NXPE3: variants seen among roughly 807,000 people sequenced by gnomAD.
NXPE3 encodes the protein neurexophilin and PC-esterase domain family member 3, also known as NXPE family member 3.
NXPE3 carries 26 observed loss-of-function variants against 46.1 expected under a neutral mutation model. The observed-to-expected ratio is 0.56, with a 90% CI of 0.41 to 0.78. The LOEUF (loss-of-function observed/expected upper bound fraction) is 0.78. NXPE3 is among the 30% of genes least tolerant of loss of function. The pLI, the probability that NXPE3 is intolerant of heterozygous loss-of-function variation, is 0.00. For synonymous variants in NXPE3, 272 were observed against 257.9 expected (o/e 1.05, Z -0.52); for missense variants, 620 against 686.0 (o/e 0.90, Z 1.07).
intron 7 of NXPE3, among the ~76,000 whole-genome samples, chr3:101,818,964 C>T (rs1004143971): frequency 2.0e-5 from 3 of 151,344 alleles, no homozygotes; most frequent in Non-Finnish European, 4.4e-5. Context: ...CGGGTTTCAC[C>T]GTGTTGGCCA....
At chr3:101,784,155 A>G (rs1940005245) in intron 3 of NXPE3, among the ~76,000 whole-genome samples, 1 of 152,246 alleles carries the variant, frequency 6.6e-6, no homozygotes, top group South Asian at 2.1e-4. Flanking sequence ...AGAACTAAGT[A>G]CCTTGAGCAA....
chr3:101,804,430 T>A (rs1218448416), intron 5 of NXPE3, among the ~76,000 whole-genome samples: 1 of 152,254 alleles, frequency 6.6e-6, no homozygotes, highest in Non-Finnish European at 1.5e-5. Context: ...TTTATTTACC[T>A]GGAAGTTTGC....
chr3:101,795,976 C>T (rs966433481), intron 4 of NXPE3, among the ~76,000 whole-genome samples: 21 of 152,188 alleles, frequency 1.4e-4, no homozygotes, highest in African/African-American at 4.8e-4. Flanking sequence ...TTGAAATGAT[C>T]TCAAGGTACT....
intron 4 of NXPE3, among the ~76,000 whole-genome samples, chr3:101,792,528 C>T (rs540324443): frequency 1.3e-5 from 2 of 152,234 alleles, no homozygotes; most frequent in Admixed American, 1.3e-4. Context: ...GAGTCTTTTC[C>T]TCATTGCTTG....
intron 3 of NXPE3, among the ~76,000 whole-genome samples, chr3:101,783,147 C>T (rs1326356802): frequency 2.6e-5 from 4 of 152,122 alleles, no homozygotes; most frequent in South Asian, 2.1e-4. Flanking sequence ...CTGCAAGCTC[C>T]GCCTCCCAGG....
chr3:101,827,751 GGTACCT>G lies in NXPE3; in HGVS notation c.*5798_*5803del, dbSNP rs1409500110. On this transcript the variant is annotated 3_prime_UTR_variant, in exon 8 of 8. Coordinates refer to ENST00000273347, the MANE Select transcript of NXPE3 (RefSeq NM_145037.4). Reference sequence around the variant, plus strand: ...GAGGGGAATGTCCGGGACTCGGGTCGGTACCTTTTTGGTCTGGGAATTTCCAGTGTG... The same window carrying G: ...GAGGGGAATGTCCGGGACTCGGGTCGTTTTGGTCTGGGAATTTCCAGTGTG... 1.3e-5 allele frequency among the ~76,000 whole-genome samples: 2 copies of G among 152,056 alleles called. No individual in the cohort carries two copies. The highest frequency in any genetic ancestry group is 2.9e-5 in the Non-Finnish European group (2 of 68,000).
rs374801827 is a variant in NXPE3 at position 101,786,628 on chromosome 3, TTTC to T, written c.93+948_93+950del. ...AGGCTTAAGGCATAAAAGCTAAGTA[TTTC>T]TTCTTCTTTTTCTTTGCTTAAACTG... On this transcript the variant is annotated intron_variant, in intron 4 of 7. Coordinates refer to ENST00000273347, the MANE Select transcript of NXPE3 (RefSeq NM_145037.4). Among the ~76,000 whole-genome samples, 80 of 152,324 alleles carry T rather than the reference TTTC, an allele frequency of 5.3e-4. 1 individual carries two copies. The highest frequency in any genetic ancestry group is 1.9e-3 in the South Asian group (9 of 4,830).
rs1942325039 is a variant in NXPE3, at chr3:101,822,999, A to C, written c.*1045A>C. On this transcript the variant is annotated 3_prime_UTR_variant, in exon 8 of 8. Coordinates refer to ENST00000273347, the MANE Select transcript of NXPE3 (RefSeq NM_145037.4). Reference sequence around the variant, plus strand: ...TGATTTGGGCATAAAAGGCACACCCATTCTCTCATGCTTGGAAGAAGCTGC... The same window carrying C: ...TGATTTGGGCATAAAAGGCACACCCCTTCTCTCATGCTTGGAAGAAGCTGC... 1 of 152,202 alleles carries C rather than the reference A, an allele frequency of 6.6e-6. No individual in the cohort carries two copies. The highest frequency in any genetic ancestry group is 2.4e-5 in the African/African-American group (1 of 41,464). The allele number at this position is 152,202 out of a possible 1,614,324, so 9.4% of individuals were successfully genotyped here.
In NXPE3 at chr3:101,828,000, C is replaced by A. The variant is rs1197016288; in HGVS notation, c.*6046C>A. 1 of 152,206 alleles carries A rather than the reference C, an allele frequency of 6.6e-6. No individual in the cohort carries two copies. Among genetic ancestry groups the A allele is most frequent in the Non-Finnish European group, 1.5e-5 (1 of 68,044 alleles). The allele number at this position is 152,206 out of a possible 1,614,324, so 9.4% of individuals were successfully genotyped here. ...GTGAGAGGGGCTGGCCTCCTCTTGC[C>A]ACGAGGTCAGACGGCGAGTTCTTAG... On this transcript the variant is annotated 3_prime_UTR_variant, in exon 8 of 8. Transcript: ENST00000273347.
chr3:101,796,222 C>A (rs1940822233), intron 4 of NXPE3, among the ~76,000 whole-genome samples: 1 of 152,176 alleles, frequency 6.6e-6, no homozygotes, highest in African/African-American at 2.4e-5. Context: ...GTTCACTAGG[C>A]CAGGAGTGAA....
chr3:101,806,884 TTAC>T (rs1323762099), intron 5 of NXPE3, among the ~76,000 whole-genome samples, 166 bp from the exon 6 acceptor site: 1 of 152,250 alleles, frequency 6.6e-6, no homozygotes, highest in East Asian at 1.9e-4. Context: ...TAAAACCTGC[TTAC>T]TACAAGAGAC....
At chr3:101,815,689 C>T (rs1002139141) in intron 6 of NXPE3, among the ~76,000 whole-genome samples, 1 of 151,802 alleles carries the variant, frequency 6.6e-6, no homozygotes, top group African/African-American at 2.4e-5. Context: ...CATAGTGAAA[C>T]CCCATCTGTA....
intron 5 of NXPE3, 113 bp downstream of exon 5, chr3:101,802,102 G>A: frequency 2.0e-6 from 2 of 986,736 alleles, no homozygotes; most frequent in South Asian, 3.6e-5. Context: ...CTCTCAACTT[G>A]GCCCAATACA....
intron 4 of NXPE3, 72 bp from the exon 5 acceptor site, chr3:101,801,159 GAGCC>G: frequency 7.0e-7 from 1 of 1,433,864 alleles, no homozygotes; most frequent in Non-Finnish European, 9.5e-7. Flanking sequence ...GAAGTGTGGG[GAGCC>G]CTCTGAATTT....
intron 7 of NXPE3, among the ~76,000 whole-genome samples, chr3:101,819,277 T>C (rs1346758794): frequency 6.6e-6 from 1 of 152,166 alleles, no homozygotes. Flanking sequence ...GAGACACATC[T>C]TCTTTCCTCA....
At chr3:101,791,897 G>A (rs1576736993) in intron 4 of NXPE3, among the ~76,000 whole-genome samples, 3 of 152,128 alleles carry the variant, frequency 2.0e-5, no homozygotes, top group East Asian at 1.9e-4. Context: ...ACTAATTTAC[G>A]CTCACACCAA....
chr3:101,802,443 C>A (rs1941217254), intron 5 of NXPE3, among the ~76,000 whole-genome samples: 1 of 151,202 alleles, frequency 6.6e-6, no homozygotes, highest in Non-Finnish European at 1.5e-5. Context: ...CATAGCAAGA[C>A]CCCATCTATT....
chr3:101,826,799 C>G lies in NXPE3; in HGVS notation c.*4845C>G, dbSNP rs187537009. The G allele has an allele frequency of 6.6e-6, 1 of 152,120 alleles. No individual in the cohort carries two copies. Among genetic ancestry groups the G allele is most frequent in the East Asian group, 1.9e-4 (1 of 5,188 alleles). 9.4% of individuals were successfully genotyped at this position (152,120 alleles called of 1,614,324 possible). A position where few individuals can be genotyped will look rare whatever the true frequency, so the allele number is the denominator to read the frequency against. On this transcript the variant is annotated 3_prime_UTR_variant, in exon 8 of 8. Coordinates refer to ENST00000273347, the MANE Select transcript of NXPE3 (RefSeq NM_145037.4). ...CTGTAATCCCAGCACTTTGGGAGGC[C>G]GAGGTGGGCGGATCACCTGAGGTCA... is the stretch of plus-strand genomic sequence containing the variant.
At chr3:101,792,498 A>T (rs765581717) in intron 4 of NXPE3, among the ~76,000 whole-genome samples, 5 of 152,182 alleles carry the variant, frequency 3.3e-5, no homozygotes, top group African/African-American at 4.8e-5. Flanking sequence ...CAGTTATTCC[A>T]GCACCGTTTA....
Sources: allele counts gnomAD v4.1 joint callset (sites outside exome capture counted in the v4.1 genomes callset), GRCh38; gene constraint gnomAD v4.1.1; transcripts MANE v1.5; gene names NCBI Gene and HGNC (gene_info 2026-07-23, HGNC 2026-07-21).